NPHP4: variants seen among roughly 807,000 people sequenced by gnomAD.
The protein encoded by NPHP4 is nephrocystin-4.
NPHP4 carries 151 observed loss-of-function variants against 155.8 expected under a neutral mutation model. That is an observed-to-expected ratio of 0.97 (90% CI 0.85 to 1.11). The LOEUF (loss-of-function observed/expected upper bound fraction) is 1.11, where lower values mean the gene tolerates loss of function less well. Among genes scored for constraint, NPHP4 ranks in the 50% least tolerant of loss-of-function variants. The pLI is 0.00. For missense variants in NPHP4, 1,956 were observed against 1,925.7 expected (o/e 1.02, Z -0.29); for synonymous variants, 845 against 816.8 (o/e 1.03, Z -0.59).
chr1:5,989,806 T>C (rs1268737006), intron 1 of NPHP4, among the ~76,000 whole-genome samples: 1 of 152,196 alleles, frequency 6.6e-6, no homozygotes, highest in Non-Finnish European at 1.5e-5. Context: ...AGTGCCACAC[T>C]TGGCCCAAGG....
chr1:5,864,328 A>G lies in NPHP4; in HGVS notation c.3996+10T>C. ...CATCCCCTCAGCCTGTGCCTGCCAC[A>G]CATACAGACCTTGGAGATGAGCGGC... On this transcript the variant is annotated intron_variant, in intron 28 of 29. Coordinates refer to ENST00000378156, the MANE Select transcript of NPHP4 (RefSeq NM_015102.5). 6.3e-7 allele frequency: 1 copy of G among 1,591,606 alleles called. No homozygotes were observed. Among genetic ancestry groups the G allele is most frequent in the South Asian group, 1.1e-5 (1 of 88,916 alleles).
intron 16 of NPHP4, among the ~76,000 whole-genome samples, chr1:5,898,342 A>G (rs1164650815): frequency 2.0e-5 from 3 of 152,200 alleles, no homozygotes; most frequent in Non-Finnish European, 4.4e-5. Flanking sequence ...GAGCCCCCCA[A>G]AAAGTGTAGG....
In NPHP4 at chr1:5,867,655, G is replaced by A; in HGVS notation, c.3472+85C>T. 5 of 1,414,738 alleles carry A rather than the reference G, an allele frequency of 3.5e-6. No individual in the cohort carries two copies. The South Asian group carries it at 4.9e-5, about 14-fold the overall frequency. The allele number at this position is 1,414,738 out of a possible 1,614,324, so 87.6% of individuals were successfully genotyped here. On this transcript the variant is annotated intron_variant, in intron 24 of 29. Transcript: ENST00000378156. This position sits in a 1 kb window ranked among gnomAD's most constrained non-coding sequence, Gnocchi z 4.1. The stretch of plus-strand genomic sequence containing the variant: ...TGACAGCACCAGGGCATGAAGCCAT[G>A]AGGCCATCTGTCACCCTCAAGAGGT...
At chr1:5,954,683 T>C (rs1254735956) in intron 6 of NPHP4, among the ~76,000 whole-genome samples, 2 of 152,220 alleles carry the variant, frequency 1.3e-5, no homozygotes, top group Non-Finnish European at 2.9e-5. Context: ...TCTCTCCATA[T>C]ATAAAAGTCA....
rs758450016 is a variant in NPHP4, at chr1:5,869,481, GACTT to G, written c.3316-1589_3316-1586del. Among the ~76,000 whole-genome samples, 109 of 152,300 alleles carry G rather than the reference GACTT, an allele frequency of 7.2e-4. 1 individual carries two copies. The highest frequency in any genetic ancestry group is 2.6e-3 in the Admixed American group (40 of 15,294). ...TATCTTGCTTTATAGTTTGATTTTT[GACTT>G]ACTTGTTTTTAATTTTGAAAACTAA... On this transcript the variant is annotated intron_variant, in intron 23 of 29. Transcript: ENST00000378156.
chr1:5,938,440 G>C (rs1301572627), intron 9 of NPHP4, among the ~76,000 whole-genome samples: 1 of 152,198 alleles, frequency 6.6e-6, no homozygotes, highest in Non-Finnish European at 1.5e-5. Flanking sequence ...AGGTTCACAA[G>C]CCAGATGCCA....
intron 9 of NPHP4, among the ~76,000 whole-genome samples, chr1:5,939,147 G>A (rs1646696085): frequency 6.6e-6 from 1 of 152,110 alleles, no homozygotes. Context: ...GGGGCAAACT[G>A]GAAAAGGGCT....
chr1:5,981,368 T>C (rs1654664151), intron 2 of NPHP4, among the ~76,000 whole-genome samples: 1 of 152,222 alleles, frequency 6.6e-6, no homozygotes, highest in African/African-American at 2.4e-5. Flanking sequence ...GTCAACTCTG[T>C]GTCATCTGCA....
chr1:5,884,483 C>A (rs982316876), intron 18 of NPHP4, among the ~76,000 whole-genome samples: 2 of 142,082 alleles, frequency 1.4e-5, no homozygotes, highest in Admixed American at 7.0e-5. Context: ...CCCAGCCGAG[C>A]CCCCGTCCTA....
rs1321910615 is a variant in NPHP4 at position 5,910,931 on chromosome 1, GC to G, written c.1442-1719del. Among the ~76,000 whole-genome samples, 1 of 152,232 alleles carries G rather than the reference GC, an allele frequency of 6.6e-6. No homozygotes were observed. The highest frequency in any genetic ancestry group is 2.4e-5 in the African/African-American group (1 of 41,468). On this transcript the variant is annotated intron_variant, in intron 11 of 29. Transcript: ENST00000378156. This position sits in a 1 kb window ranked among gnomAD's most constrained non-coding sequence, Gnocchi z 5.4. ...AACCCTCAGAGGATCCAACTGCCCA[GC>G]CTGGCGGGCACAGCTCCCAGTCCAA...
chr1:5,980,349 T>C (rs1046379965), intron 2 of NPHP4, among the ~76,000 whole-genome samples: 1 of 152,102 alleles, frequency 6.6e-6, no homozygotes, highest in African/African-American at 2.4e-5. Flanking sequence ...AGGTACATTC[T>C]AAGCAGAAAG....
intron 6 of NPHP4, among the ~76,000 whole-genome samples, chr1:5,959,979 A>T (rs1204053938): frequency 6.6e-6 from 1 of 152,236 alleles, no homozygotes; most frequent in South Asian, 2.1e-4. Context: ...CAAGCAGGCG[A>T]CATCTCACAG....
At chr1:5,934,360 G>A (rs928828896) in intron 9 of NPHP4, among the ~76,000 whole-genome samples, 3 of 152,258 alleles carry the variant, frequency 2.0e-5, no homozygotes, top group South Asian at 2.1e-4. Context: ...GCTGCGGAGC[G>A]CTGCCTAGAC....
At position 5,933,243 on chromosome 1, in the gene NPHP4, A is replaced by G. The variant is rs1226002489; in HGVS notation, c.1206T>C (p.Ser402=). Residue 402 remains serine, a synonymous_variant, in exon 10 of 30, where the codon TCT becomes TCC. Transcript: ENST00000378156. ...CCTGCAGAGGCAGGGTCACCCTTCC[A>G]GAATCAGCTTCCAGCAAGGGGTTCC... ...AVWNPLLEAD[S]GRVTLPLQGG... 3.1e-6 allele frequency: 5 copies of G among 1,613,906 alleles called. No homozygotes were observed. The highest frequency in any genetic ancestry group is 1.7e-4 in the Middle Eastern group (1 of 6,060).
chr1:5,976,351 T>G (rs1653573876), intron 3 of NPHP4, among the ~76,000 whole-genome samples: 1 of 152,078 alleles, frequency 6.6e-6, no homozygotes, highest in Non-Finnish European at 1.5e-5. Context: ...GGGAAGCGCC[T>G]CCCGGTGAAG....
intron 18 of NPHP4, among the ~76,000 whole-genome samples, chr1:5,885,330 G>T (rs1482432995): frequency 6.8e-6 from 1 of 145,992 alleles, no homozygotes; most frequent in Non-Finnish European, 1.5e-5. Flanking sequence ...CAAGATCACT[G>T]CCCAAGCTCC....
rs1386164569 is a variant in NPHP4 at position 5,986,303 on chromosome 1, G to A, written c.-14C>T. The A allele has an allele frequency of 2.5e-6, 4 of 1,613,238 alleles. No individual in the cohort carries two copies. Among genetic ancestry groups the A allele is most frequent in the Non-Finnish European group, 3.4e-6 (4 of 1,179,518 alleles). On this transcript the variant is annotated 5_prime_UTR_variant, in exon 2 of 30. Coordinates refer to ENST00000378156, the MANE Select transcript of NPHP4 (RefSeq NM_015102.5). ...CCAGTCGTTCATCCTGCCCGCCTGA[G>A]GGTCCCGTGGGCTTCCCGGATGATC...
rs148756413 is a variant in NPHP4 at position 5,870,733 on chromosome 1, G to A, written c.3315+2519C>T. Among the ~76,000 whole-genome samples the A allele has an allele frequency of 1.0e-3, 155 of 152,342 alleles. 1 individual carries two copies. The highest frequency in any genetic ancestry group is 9.6e-3 in the East Asian group (50 of 5,186). On this transcript the variant is annotated intron_variant, in intron 23 of 29. Transcript: ENST00000378156. ...CGGTGTCCCTCACAGTATGATGTTC[G>A]TAGAGGACACGGCAAATGTCTGTGG... is the stretch of plus-strand genomic sequence containing the variant.
intron 9 of NPHP4, among the ~76,000 whole-genome samples, chr1:5,939,842 C>T (rs1200835937): frequency 6.6e-6 from 1 of 152,176 alleles, no homozygotes; most frequent in East Asian, 1.9e-4. Context: ...GAGCAAGAAG[C>T]TTTCTTTCAT....
Sources: allele counts gnomAD v4.1 joint callset (sites outside exome capture counted in the v4.1 genomes callset), GRCh38; gene constraint gnomAD v4.1.1; non-coding constraint Gnocchi (gnomAD v3.1); transcripts MANE v1.5; gene names NCBI Gene and HGNC (gene_info 2026-07-23, HGNC 2026-07-21).